The following ANKRD11 variants were observed in gnomAD, a reference collection of about 807,000 sequenced individuals.
ANKRD11 encodes the protein ankyrin repeat domain-containing protein 11.
In ANKRD11, 17 loss-of-function variants were observed where a neutral mutation model predicts 195.7. That is an observed-to-expected ratio of 0.09 (90% confidence interval 0.06 to 0.13). The LOEUF is 0.13. Ranked by LOEUF, ANKRD11 falls within the 10% of genes least tolerant of loss-of-function variation. The probability of loss-of-function intolerance (pLI) is 1.00; values close to 1 mark genes in which losing one functional copy is unlikely to be tolerated. For missense variants in ANKRD11, 3,735 were observed against 3,566.1 expected (o/e 1.05, Z -1.21); for synonymous variants, 1,953 against 1,528.1 (o/e 1.28, Z -6.49).
Position 89,284,805 on chromosome 16 carries a change from G to A in ANKRD11, c.1737C>T (p.Tyr579=). 4.3e-6 allele frequency: 7 copies of A among 1,613,820 alleles called. No individual in the cohort carries two copies. Among genetic ancestry groups the A allele is most frequent in the Non-Finnish European group, 5.9e-6 (7 of 1,180,036 alleles). The change falls in exon 9 of 13, where the codon TAC becomes TAT. Residue 579 remains tyrosine, a synonymous_variant. Coordinates refer to ENST00000301030, the MANE Select transcript of ANKRD11 (RefSeq NM_013275.6). ...TRTRLTSESD[Y]SSEGSSVESL... ...ATTCCACACTGGAGCCCTCAGAGGA[G>A]TAGTCAGACTCGCTTGTCAGTCTCG... is the stretch of plus-strand genomic sequence containing the variant.
chr16:89,324,760 C>T (rs1414997511), intron 2 of ANKRD11: 3 of 305,912 alleles, frequency 9.8e-6, no homozygotes, highest in South Asian at 2.6e-5. Context: ...CTTGGGCCTT[C>T]GGCCACAGAC....
At chr16:89,309,428 C>T (rs1290470127) in intron 3 of ANKRD11, among the ~76,000 whole-genome samples, 1 of 152,246 alleles carries the variant, frequency 6.6e-6, no homozygotes, top group Non-Finnish European at 1.5e-5. Context: ...TGTGTATTCT[C>T]ATCTGGGTGG....
At chr16:89,362,451 C>A (rs1427817210) in intron 2 of ANKRD11, among the ~76,000 whole-genome samples, 1 of 152,210 alleles carries the variant, frequency 6.6e-6, no homozygotes, top group African/African-American at 2.4e-5. Context: ...ATGAAGTGAA[C>A]AGCACTGAAG....
At chr16:89,305,057 G>A (rs945009487) in intron 4 of ANKRD11, 149 bp downstream of exon 4, 13 of 1,255,136 alleles carry the variant, frequency 1.0e-5, no homozygotes, top group East Asian at 2.4e-5. Context: ...CCTGTGCTCC[G>A]CCCCTGCTGC....
chr16:89,377,364 A>C (rs2040467082), intron 2 of ANKRD11, among the ~76,000 whole-genome samples: 1 of 152,158 alleles, frequency 6.6e-6, no homozygotes, highest in South Asian at 2.1e-4. Context: ...TGTCAAACCC[A>C]AAACAATGAA....
At chr16:89,430,489 C>G (rs895683012) in intron 1 of ANKRD11, among the ~76,000 whole-genome samples, 3 of 149,866 alleles carry the variant, frequency 2.0e-5, no homozygotes, top group East Asian at 2.0e-4. Context: ...TCAACTCTCA[C>G]GCTCAGTCGT....
chr16:89,301,795 C>T (rs1167367639), intron 4 of ANKRD11, among the ~76,000 whole-genome samples: 2 of 152,228 alleles, frequency 1.3e-5, no homozygotes, highest in African/African-American at 4.8e-5. Flanking sequence ...AGGCGGCCCC[C>T]AGCCCTGACT....
At chr16:89,332,897 C>T (rs1490452325) in intron 2 of ANKRD11, among the ~76,000 whole-genome samples, 13 of 152,214 alleles carry the variant, frequency 8.5e-5, no homozygotes, top group African/African-American at 2.9e-4. Flanking sequence ...TGTTTTTTAA[C>T]GCAAGGGTCC....
At chr16:89,450,060 G>C (rs1851434005) in intron 1 of ANKRD11, among the ~76,000 whole-genome samples, 1 of 152,164 alleles carries the variant, frequency 6.6e-6, no homozygotes, top group South Asian at 2.1e-4. Flanking sequence ...CAGAGACCCA[G>C]TGACTTCAGG....
rs539049877 is a variant in ANKRD11 at position 89,289,869 on chromosome 16, G to A, written c.601+756C>T. Among the ~76,000 whole-genome samples, 132 of 152,192 alleles carry A rather than the reference G, an allele frequency of 8.7e-4. 1 individual carries two copies. The highest frequency in any genetic ancestry group is 2.9e-3 in the African/African-American group (122 of 41,534). On this transcript the variant is annotated intron_variant, in intron 6 of 12. Transcript: ENST00000301030. Reference sequence around the variant, plus strand: ...AGCCTGGGCAACTTAGTAAGACCCCGTCTCTACAAAAAATAAAAAAATTAG... The same window carrying A: ...AGCCTGGGCAACTTAGTAAGACCCCATCTCTACAAAAAATAAAAAAATTAG...
chr16:89,475,347 CAT>C (rs1337376594), intron 1 of ANKRD11, among the ~76,000 whole-genome samples: 4 of 152,186 alleles, frequency 2.6e-5, no homozygotes, highest in African/African-American at 9.7e-5. Context: ...TCCCCTCCCT[CAT>C]CACCAGGTGA....
intron 1 of ANKRD11, among the ~76,000 whole-genome samples, chr16:89,441,566 G>C (rs374364383): frequency 8.5e-5 from 13 of 152,048 alleles, no homozygotes; most frequent in East Asian, 1.9e-4. Flanking sequence ...AGCAGATGGA[G>C]ACCATCCTGG....
At chr16:89,336,089 G>A (rs1448999696) in intron 2 of ANKRD11, among the ~76,000 whole-genome samples, 2 of 152,230 alleles carry the variant, frequency 1.3e-5, no homozygotes, top group Non-Finnish European at 2.9e-5. Context: ...AGCTTTAACT[G>A]TTAATTTGCT....
At chr16:89,374,809 C>A (rs369877893) in intron 2 of ANKRD11, among the ~76,000 whole-genome samples, 1 of 152,276 alleles carries the variant, frequency 6.6e-6, no homozygotes, top group East Asian at 1.9e-4. Flanking sequence ...CCGAACACCA[C>A]GGCTTGGCTG....
Position 89,284,255 on chromosome 16 carries a change from C to G in ANKRD11, c.2287G>C (p.Glu763Gln). 6.2e-7 allele frequency: 1 copy of G among 1,613,872 alleles called. No individual in the cohort carries two copies. The highest frequency in any genetic ancestry group is 8.5e-7 in the Non-Finnish European group (1 of 1,179,996). The change falls in exon 9 of 13, where the codon GAG becomes CAG. Residue 763 changes from glutamate to glutamine, a missense_variant. Glu to Gln is a conservative substitution (Grantham distance 29). Coordinates refer to ENST00000301030, the MANE Select transcript of ANKRD11 (RefSeq NM_013275.6). ...PKEEKLRLYK[E>Q]ERKKKSKDRP... Reference sequence around the variant, plus strand: ...TCTTTTGATTTCTTCTTTCTCTCCTCTTTGTACAGTCTCAGTTTTTCTTCT... The same window carrying G: ...TCTTTTGATTTCTTCTTTCTCTCCTGTTTGTACAGTCTCAGTTTTTCTTCT...
In ANKRD11 at chr16:89,280,951, G is replaced by A; in HGVS notation, c.5591C>T (p.Ala1864Val). 4 of 1,579,432 alleles carry A rather than the reference G, an allele frequency of 2.5e-6. No individual in the cohort carries two copies. Among genetic ancestry groups the A allele is most frequent in the Non-Finnish European group, 3.4e-6 (4 of 1,159,782 alleles). ...AACGGCAGCCGGTGGGCAGTGCAAA[G>A]CGTCGACTTTGGGCGACGGGAGGCC... ...DYGLPSPKVD[A>V]LHCPPAAVVT... Residue 1864 changes from alanine (A) to valine (V), a missense_variant, in exon 9 of 13, where the codon GCT (alanine) becomes GTT (valine). By Grantham distance (64) the Ala-to-Val change is moderately conservative. Transcript: ENST00000301030.
At chr16:89,390,690 C>G (rs943572156) in intron 2 of ANKRD11, among the ~76,000 whole-genome samples, 12 of 152,064 alleles carry the variant, frequency 7.9e-5, no homozygotes, top group Non-Finnish European at 1.8e-4. Flanking sequence ...CTCGGGGAAA[C>G]AGTGAGCACA....
intron 1 of ANKRD11, among the ~76,000 whole-genome samples, chr16:89,472,556 G>A (rs781416081): frequency 6.6e-6 from 1 of 152,100 alleles, no homozygotes; most frequent in Non-Finnish European, 1.5e-5. Context: ...CTCTTGCTCT[G>A]TCCCCCAGGC....
chr16:89,403,431 A>T (rs2041783692), intron 2 of ANKRD11, among the ~76,000 whole-genome samples: 1 of 152,110 alleles, frequency 6.6e-6, no homozygotes, highest in Admixed American at 6.5e-5. Flanking sequence ...CGGGGAACCC[A>T]AGTCCCGAGG....
Sources: allele counts gnomAD v4.1 joint callset (sites outside exome capture counted in the v4.1 genomes callset), GRCh38; gene constraint gnomAD v4.1.1; transcripts MANE v1.5; gene names NCBI Gene and HGNC (gene_info 2026-07-23, HGNC 2026-07-21).